STRAP: variants seen among roughly 807,000 people sequenced by gnomAD.
The protein encoded by STRAP is serine/threonine kinase receptor associated protein.
A neutral mutation model predicts 47.0 loss-of-function variants in STRAP; 16 were observed. That is an observed-to-expected ratio of 0.34 (90% CI 0.23 to 0.52). The LOEUF (loss-of-function observed/expected upper bound fraction) is 0.52. Ranked by LOEUF, STRAP falls within the 20% of genes least tolerant of loss-of-function variation. The pLI is 0.96. For missense variants in STRAP, 293 were observed against 420.0 expected (o/e 0.70, Z 2.64); for synonymous variants, 130 against 142.7 (o/e 0.91, Z 0.63).
chr12:15,882,843 C>G, intron 1 of STRAP, 24 bp downstream of exon 1: 1 of 1,598,372 alleles, frequency 6.3e-7, no homozygotes, highest in Non-Finnish European at 8.5e-7. Context: ...CAATCCTGGT[C>G]CTCGACGGCT....
In STRAP at chr12:15,890,124, G is replaced by T. The variant is rs1317838973; in HGVS notation, c.330+115G>T. ...TTGATATGTTTTGTGTGGAATATTT[G>T]TTATTTCTTGGTTCATATTTGATTT... On this transcript the variant is annotated intron_variant, in intron 3 of 9. Coordinates refer to ENST00000419869, the MANE Select transcript of STRAP (RefSeq NM_007178.4). The surrounding 1 kb of genome is among the most constrained non-coding windows in gnomAD (Gnocchi z 4.5). 5 of 952,646 alleles carry T rather than the reference G, an allele frequency of 5.2e-6. No individual in the cohort carries two copies. The highest frequency in any genetic ancestry group is 3.3e-5 in the African/African-American group (2 of 60,864). The allele number at this position is 952,646 out of a possible 1,614,324, so 59.0% of individuals were successfully genotyped here.
chr12:15,890,143 T>A lies in STRAP; in HGVS notation c.330+134T>A. The A allele has an allele frequency of 1.2e-6, 1 of 838,688 alleles. No individual in the cohort carries two copies. Among genetic ancestry groups the A allele is most frequent in the African/African-American group, 1.7e-5 (1 of 58,088 alleles). The allele number at this position is 838,688 out of a possible 1,614,324, so 52.0% of individuals were successfully genotyped here. A position where few individuals can be genotyped will look rare whatever the true frequency, so the allele number is the denominator to read the frequency against. ...ATATTTGTTATTTCTTGGTTCATAT[T>A]TGATTTGATTGTGTATTAAGCTCTA... On this transcript the variant is annotated intron_variant, in intron 3 of 9. Transcript: ENST00000419869. This position sits in a 1 kb window ranked among gnomAD's most constrained non-coding sequence, Gnocchi z 4.5.
In STRAP at chr12:15,897,175, A is replaced by G. The variant is rs531557802; in HGVS notation, c.639-707A>G. 4.6e-5 allele frequency among the ~76,000 whole-genome samples: 7 copies of G among 152,338 alleles called. 1 individual carries two copies. In the South Asian group the frequency reaches 1.4e-3, roughly 32 times the overall value. ...AACTTTAATTAACATGCTTTAAAGT[A>G]TATGATGATGGGAAGTATTTAGGAG... On this transcript the variant is annotated intron_variant, in intron 6 of 9. Transcript: ENST00000419869.
intron 1 of STRAP, 151 bp downstream of exon 1, chr12:15,882,970 G>T: frequency 8.7e-6 from 12 of 1,377,756 alleles, no homozygotes; most frequent in Non-Finnish European, 1.2e-5. Context: ...GTCCGGTGGA[G>T]AAAGGAGTGT....
At position 15,882,393 on chromosome 12, in the gene STRAP, C is replaced by A; in HGVS notation, c.-315C>A. Reference sequence around the variant, plus strand: ...GGGTGCTCTGCGTCATTTACGTCGTCACTTCCTGCCGATGCCGGTGTGGAC... The same window carrying A: ...GGGTGCTCTGCGTCATTTACGTCGTAACTTCCTGCCGATGCCGGTGTGGAC... On this transcript the variant is annotated 5_prime_UTR_variant, in exon 1 of 10. Transcript: ENST00000419869. The A allele has an allele frequency of 2.4e-6, 1 of 423,462 alleles. No individual in the cohort carries two copies. Among genetic ancestry groups the A allele is most frequent in the East Asian group, 4.4e-5 (1 of 22,766 alleles). 26.2% of individuals were successfully genotyped at this position (423,462 alleles called of 1,614,324 possible). A position where few individuals can be genotyped will look rare whatever the true frequency, so the allele number is the denominator to read the frequency against.
Position 15,896,460 on chromosome 12 carries a change from A to G in STRAP, c.638+964A>G, listed in dbSNP as rs1948060887. On this transcript the variant is annotated intron_variant, in intron 6 of 9. Coordinates refer to ENST00000419869, the MANE Select transcript of STRAP (RefSeq NM_007178.4). The surrounding 1 kb of genome is among the most constrained non-coding windows in gnomAD (Gnocchi z 4.1). The stretch of plus-strand genomic sequence containing the variant: ...AAAATGTACCCACAATATTATACCC[A>G]TAGGTGCAAGAGTGATAATGGTAGT... Among the ~76,000 whole-genome samples, 1 of 152,120 alleles carries G rather than the reference A, an allele frequency of 6.6e-6. No individual in the cohort carries two copies. Among genetic ancestry groups the G allele is most frequent in the Admixed American group, 6.5e-5 (1 of 15,274 alleles).
intron 5 of STRAP, 106 bp from the exon 6 acceptor site, chr12:15,895,253 C>T (rs527245392): frequency 4.3e-6 from 4 of 923,064 alleles, no homozygotes; most frequent in Admixed American, 6.6e-5. Context: ...TGTTGTTTTT[C>T]TGTAATTGTG....
At chr12:15,884,112 AAAAC>A (rs1565572424) in intron 2 of STRAP, among the ~76,000 whole-genome samples, 1 of 152,228 alleles carries the variant, frequency 6.6e-6, no homozygotes, top group Non-Finnish European at 1.5e-5. Flanking sequence ...AAACAACAAA[AAAAC>A]AAAACTCAGC....
chr12:15,886,021 A>G (rs1947967902), intron 2 of STRAP, among the ~76,000 whole-genome samples: 1 of 152,114 alleles, frequency 6.6e-6, no homozygotes, highest in Non-Finnish European at 1.5e-5. Flanking sequence ...CATATAAGGA[A>G]GATTGAATAG....
chr12:15,882,476 T>A lies in STRAP; in HGVS notation c.-232T>A. On this transcript the variant is annotated 5_prime_UTR_variant, in exon 1 of 10. Coordinates refer to ENST00000419869, the MANE Select transcript of STRAP (RefSeq NM_007178.4). ...TCTCCCCATCCCCTACTTTCCTCCC[T>A]CCCTCCCTTTCCCTCCCTCGTCGAC... is the stretch of plus-strand genomic sequence containing the variant. 14 of 421,240 alleles carry A rather than the reference T, an allele frequency of 3.3e-5. No homozygotes were observed. The highest frequency in any genetic ancestry group is 5.3e-5 in the Non-Finnish European group (12 of 226,472). The allele number at this position is 421,240 out of a possible 1,614,324, so 26.1% of individuals were successfully genotyped here.
intron 2 of STRAP, 117 bp downstream of exon 2, chr12:15,883,793 C>G (rs1289723111): frequency 6.7e-6 from 9 of 1,347,024 alleles, no homozygotes; most frequent in Admixed American, 2.5e-5. Context: ...CCATACAGAA[C>G]GCATGTTTGA....
rs1400993510 is a variant in STRAP, at chr12:15,903,006, C to T, written c.*28C>T. ...GTCAATCATATGTGCAGTTAGTATA[C>T]AACTGACTAAAACAAGCAAGCAGAG... On this transcript the variant is annotated 3_prime_UTR_variant, in exon 10 of 10. Transcript: ENST00000419869. The T allele has an allele frequency of 1.5e-6, 2 of 1,371,738 alleles. No homozygotes were observed. The highest frequency in any genetic ancestry group is 9.5e-7 in the Non-Finnish European group (1 of 1,053,762). The allele number at this position is 1,371,738 out of a possible 1,614,324, so 85.0% of individuals were successfully genotyped here.
chr12:15,884,196 TATC>T (rs1947948926), intron 2 of STRAP, among the ~76,000 whole-genome samples: 1 of 152,368 alleles, frequency 6.6e-6, no homozygotes, highest in East Asian at 1.9e-4. Flanking sequence ...ATATCTAGAT[TATC>T]ATCATCTTTT....
chr12:15,883,585 G>A lies in STRAP; in HGVS notation c.157G>A (p.Gly53Arg). 6.2e-7 allele frequency: 1 copy of A among 1,614,066 alleles called. No homozygotes were observed. The highest frequency in any genetic ancestry group is 2.2e-5 in the East Asian group (1 of 44,882). ...CCAGGGAGATACAGGAGACTGGATT[G>A]GAACATTTTTGGGTCATAAAGGTGC... Reference protein sequence around the residue: ...LRQGDTGDWIGTFLGHKGAVW... With the variant: ...LRQGDTGDWIRTFLGHKGAVW... Residue 53 changes from glycine (G) to arginine (R), a missense_variant, in exon 2 of 10, where the codon GGA (glycine) becomes AGA (arginine). This residue lies in a region of STRAP where 32 missense variants were observed against 76.1 expected (regional missense o/e 0.42). Coordinates refer to ENST00000419869, the MANE Select transcript of STRAP (RefSeq NM_007178.4).
chr12:15,899,330 T>G (rs1948084639), intron 7 of STRAP, among the ~76,000 whole-genome samples: 1 of 152,234 alleles, frequency 6.6e-6, no homozygotes, highest in Non-Finnish European at 1.5e-5. Flanking sequence ...AGGTACTACT[T>G]GAATATAACA....
chr12:15,900,186 A>G, intron 8 of STRAP, 133 bp downstream of exon 8: 1 of 1,009,752 alleles, frequency 9.9e-7, no homozygotes, highest in South Asian at 1.9e-5. Context: ...AGCAGCGAGA[A>G]GCCCAGGATT....
At chr12:15,899,548 A>C (rs1948086408) in intron 7 of STRAP, among the ~76,000 whole-genome samples, 1 of 152,232 alleles carries the variant, frequency 6.6e-6, no homozygotes, top group South Asian at 2.1e-4. Context: ...AGTGAGTTTT[A>C]GGATATGGAA....
rs1410487906 is a variant in STRAP, at chr12:15,896,249, C to T, written c.638+753C>T. 6.6e-6 allele frequency among the ~76,000 whole-genome samples: 1 copy of T among 151,718 alleles called. No individual in the cohort carries two copies. The highest frequency in any genetic ancestry group is 2.4e-5 in the African/African-American group (1 of 41,326). ...ACTCTGTCTCAAAAAAAACAAAAAA[C>T]AAAAAAACAGTGTGATCTTGATTCT... On this transcript the variant is annotated intron_variant, in intron 6 of 9. Coordinates refer to ENST00000419869, the MANE Select transcript of STRAP (RefSeq NM_007178.4). The surrounding 1 kb of genome is among the most constrained non-coding windows in gnomAD (Gnocchi z 4.1).
rs777491937 is a variant in STRAP at position 15,900,020 on chromosome 12, A to G, written c.892A>G (p.Lys298Glu). 11 of 1,613,766 alleles carry G rather than the reference A, an allele frequency of 6.8e-6. No homozygotes were observed. The highest frequency in any genetic ancestry group is 8.5e-6 in the Non-Finnish European group (10 of 1,179,878). ...TLRLWQTVVG[K>E]TYGLWKCVLP... ...GAGACTATGGCAAACTGTGGTAGGA[A>G]AAACGTATGGCCTTTGGAAATGTGT... The change falls in exon 8 of 10, where the codon AAA (lysine) becomes GAA (glutamate). Residue 298 changes from lysine to glutamate, a missense_variant. By Grantham distance (56) the Lys-to-Glu change is moderately conservative. Around this residue, in one of 5 missense-constraint regions of STRAP, gnomAD observed 26 missense variants for 76.7 expected, o/e 0.34. Transcript: ENST00000419869.
Sources: allele counts gnomAD v4.1 joint callset (sites outside exome capture counted in the v4.1 genomes callset), GRCh38; gene constraint gnomAD v4.1.1; regional missense constraint gnomAD v4.1.1; non-coding constraint Gnocchi (gnomAD v3.1); transcripts MANE v1.5; gene names NCBI Gene and HGNC (gene_info 2026-07-23, HGNC 2026-07-21).